The following ERBB4 variants were observed in gnomAD, a reference collection of about 807,000 sequenced individuals.
ERBB4 encodes receptor tyrosine-protein kinase erbB-4.
In ERBB4, 42 loss-of-function variants were observed where a neutral mutation model predicts 158.0. The ratio of observed to expected loss-of-function variants is 0.27; its 90% CI spans 0.21 to 0.34. The LOEUF (loss-of-function observed/expected upper bound fraction) is 0.34. Among genes scored for constraint, ERBB4 ranks in the 10% least tolerant of loss-of-function variants. ERBB4 has a pLI of 1.00. For synonymous variants in ERBB4, 583 were observed against 558.7 expected (o/e 1.04, Z -0.61); for missense variants, 1,333 against 1,624.1 (o/e 0.82, Z 3.08).
chr2:212,434,937 A>G (rs2092105093), intron 1 of ERBB4, among the ~76,000 whole-genome samples: 1 of 152,050 alleles, frequency 6.6e-6, no homozygotes, highest in Admixed American at 6.6e-5. Context: ...AAAATTTTCA[A>G]GAAACAAATG....
At chr2:212,385,442 A>G (rs1358519867) in intron 1 of ERBB4, among the ~76,000 whole-genome samples, 1 of 151,820 alleles carries the variant, frequency 6.6e-6, no homozygotes, top group African/African-American at 2.4e-5. Flanking sequence ...CTATCTGTCT[A>G]TGTGAGTCAA....
chr2:211,979,411 T>C (rs1029263828), intron 2 of ERBB4, among the ~76,000 whole-genome samples: 1 of 152,196 alleles, frequency 6.6e-6, no homozygotes, highest in African/African-American at 2.4e-5. Flanking sequence ...AGGTATAATA[T>C]AAGGTTAACA....
chr2:211,630,611 GAAA>G lies in ERBB4; in HGVS notation c.1947-20_1947-18del. The G allele has an allele frequency of 7.6e-7, 1 of 1,315,152 alleles. No homozygotes were observed. Among genetic ancestry groups the G allele is most frequent in the Non-Finnish European group, 1.0e-6 (1 of 968,684 alleles). The allele number at this position is 1,315,152 out of a possible 1,614,324, so 81.5% of individuals were successfully genotyped here. On this transcript the variant is annotated intron_variant, in intron 16 of 27. Transcript: ENST00000342788. ...AGGGGAGTTCTGACAACCAGAATGAGAAAAAAAAAAATAAAAAGTATGAAGAGA... is the reference window on the plus strand; with the variant it reads ...AGGGGAGTTCTGACAACCAGAATGAGAAAAAAAATAAAAAGTATGAAGAGA...
chr2:211,686,977 C>T (rs2072582388), intron 12 of ERBB4, among the ~76,000 whole-genome samples: 1 of 151,956 alleles, frequency 6.6e-6, no homozygotes, highest in African/African-American at 2.4e-5. Flanking sequence ...GTGTAAGCTG[C>T]CCAAGACCAC....
chr2:212,493,809 G>A (rs1690414898), intron 1 of ERBB4, among the ~76,000 whole-genome samples: 1 of 151,516 alleles, frequency 6.6e-6, no homozygotes, highest in South Asian at 2.1e-4. Context: ...AGTAATCTCA[G>A]AATTTTTGTT....
At chr2:211,830,322 C>G (rs1336196490) in intron 3 of ERBB4, among the ~76,000 whole-genome samples, 3 of 152,016 alleles carry the variant, frequency 2.0e-5, no homozygotes, top group African/African-American at 7.2e-5. Flanking sequence ...GCTAACAACC[C>G]AGTTAAGAAA....
At chr2:211,473,753 T>G (rs539955316) in intron 20 of ERBB4, among the ~76,000 whole-genome samples, 1 of 152,030 alleles carries the variant, frequency 6.6e-6, no homozygotes, top group South Asian at 2.1e-4. Context: ...ATCTCCCTAT[T>G]TACATTTCAA....
intron 1 of ERBB4, among the ~76,000 whole-genome samples, chr2:212,451,679 CAT>C (rs1168093620): frequency 6.6e-6 from 1 of 152,120 alleles, no homozygotes; most frequent in Admixed American, 6.6e-5. Flanking sequence ...AACTAGAAAA[CAT>C]ATATTTTTAA....
intron 20 of ERBB4, among the ~76,000 whole-genome samples, chr2:211,458,227 T>C (rs1165497340): frequency 6.6e-6 from 1 of 150,934 alleles, no homozygotes; most frequent in Non-Finnish European, 1.5e-5. Flanking sequence ...GCTAGCCTAC[T>C]GTACAATGAG....
intron 2 of ERBB4, among the ~76,000 whole-genome samples, chr2:211,979,404 T>C (rs939837776): frequency 2.0e-5 from 3 of 152,206 alleles, no homozygotes; most frequent in African/African-American, 7.2e-5. Flanking sequence ...TCTCTTGAGG[T>C]ATAATATAAG....
At chr2:212,131,716 G>A (rs2080112132) in intron 1 of ERBB4, among the ~76,000 whole-genome samples, 1 of 152,132 alleles carries the variant, frequency 6.6e-6, no homozygotes, top group East Asian at 1.9e-4. Context: ...ACATTCCTGT[G>A]GGCGTCTCTT....
At chr2:211,762,250 G>T (rs1426394870) in intron 4 of ERBB4, among the ~76,000 whole-genome samples, 2 of 152,184 alleles carry the variant, frequency 1.3e-5, no homozygotes, top group Non-Finnish European at 2.9e-5. Context: ...GGTACCACAG[G>T]TCAAGCAATT....
At chr2:212,367,197 C>T (rs962710309) in intron 1 of ERBB4, among the ~76,000 whole-genome samples, 1 of 152,078 alleles carries the variant, frequency 6.6e-6, no homozygotes, top group African/African-American at 2.4e-5. Flanking sequence ...ATCTTGCCAG[C>T]ATCTTGATCT....
chr2:212,333,791 A>G (rs975483678), intron 1 of ERBB4, among the ~76,000 whole-genome samples: 2 of 151,926 alleles, frequency 1.3e-5, no homozygotes, highest in Admixed American at 1.3e-4. Flanking sequence ...CATTATGATG[A>G]GCTTGTTTGT....
chr2:212,214,785 G>A (rs543476039), intron 1 of ERBB4, among the ~76,000 whole-genome samples: 1 of 151,408 alleles, frequency 6.6e-6, no homozygotes, highest in Non-Finnish European at 1.5e-5. Flanking sequence ...CTATATGTGG[G>A]CGCCAAAATA....
rs183229087 is a variant in ERBB4, at chr2:212,526,173, T to C, written c.82+12276A>G. On this transcript the variant is annotated intron_variant, in intron 1 of 27. Transcript: ENST00000342788. ...GTGGGAGACAAACTTCATCTGTACT[T>C]CTCAAAGAGTGACTGAGTCAGTTTG... Among the ~76,000 whole-genome samples, 227 of 152,138 alleles carry C rather than the reference T, an allele frequency of 1.5e-3. 1 individual carries two copies. Among genetic ancestry groups the C allele is most frequent in the Middle Eastern group, 3.4e-3 (1 of 294 alleles).
At chr2:212,046,743 A>G (rs1045313723) in intron 2 of ERBB4, among the ~76,000 whole-genome samples, 2 of 152,180 alleles carry the variant, frequency 1.3e-5, no homozygotes, top group Non-Finnish European at 2.9e-5. Context: ...ATGTAATGGA[A>G]AAATTTCTTC....
intron 25 of ERBB4, among the ~76,000 whole-genome samples, chr2:211,400,125 A>C (rs1221028931): frequency 1.3e-5 from 2 of 152,130 alleles, no homozygotes; most frequent in Non-Finnish European, 2.9e-5. Flanking sequence ...TTGATAAGAG[A>C]AAAGGACGGT....
chr2:211,516,332 TTTC>T (rs1396126339), intron 20 of ERBB4, among the ~76,000 whole-genome samples: 4 of 151,686 alleles, frequency 2.6e-5, no homozygotes, highest in African/African-American at 9.7e-5. Flanking sequence ...TTCCCTTTTT[TTTC>T]TTTTTTTTTT....
Sources: gnomAD v4.1 joint callset for allele counts (sites outside exome capture counted in the v4.1 genomes callset) on GRCh38, gnomAD v4.1.1 for gene constraint, MANE v1.5 for transcripts, NCBI Gene and HGNC (gene_info 2026-07-23, HGNC 2026-07-21) for gene names.